Variants in CLVS1 observed in about 807,000 individuals in gnomAD.
CLVS1 encodes clavesin-1.
Under a neutral mutation model 33.1 loss-of-function variants are expected in CLVS1, and 10 were observed. The observed-to-expected ratio is 0.30, with a 90% confidence interval of 0.19 to 0.51. CLVS1 has a LOEUF of 0.51. Among genes scored for constraint, CLVS1 ranks in the 20% least tolerant of loss-of-function variants. The pLI is 0.97. For missense variants in CLVS1, 343 were observed against 433.4 expected (o/e 0.79, Z 1.85); for synonymous variants, 163 against 166.1 (o/e 0.98, Z 0.14).
intron 2 of CLVS1, among the ~76,000 whole-genome samples, chr8:61,236,144 G>A (rs760281436): frequency 1.3e-5 from 2 of 152,194 alleles, no homozygotes; most frequent in Non-Finnish European, 2.9e-5. Context: ...CATCTTGGCT[G>A]TGCTGATTTG....
chr8:61,171,995 C>A (rs572073125), intron 2 of CLVS1, among the ~76,000 whole-genome samples: 2 of 152,250 alleles, frequency 1.3e-5, no homozygotes, highest in Admixed American at 1.3e-4. Context: ...AAAAGCGAAT[C>A]CTCAGAGAAT....
At chr8:61,216,417 G>C (rs1371175129) in intron 2 of CLVS1, among the ~76,000 whole-genome samples, 2 of 152,168 alleles carry the variant, frequency 1.3e-5, no homozygotes, top group African/African-American at 2.4e-5. Context: ...CTGAAGGAAG[G>C]AGTTTAGCAG....
intron 1 of CLVS1, among the ~76,000 whole-genome samples, chr8:61,293,062 A>G (rs758315865): frequency 6.6e-6 from 1 of 152,142 alleles, no homozygotes; most frequent in Non-Finnish European, 1.5e-5. Flanking sequence ...GGAGCAAATG[A>G]TTGTGTGCTT....
intron 3 of CLVS1, among the ~76,000 whole-genome samples, chr8:61,404,249 G>A (rs1174604638): frequency 1.3e-5 from 2 of 152,180 alleles, no homozygotes; most frequent in Non-Finnish European, 2.9e-5. Context: ...TCTCAACACT[G>A]TCCAGAGTAT....
intron 3 of CLVS1, among the ~76,000 whole-genome samples, chr8:61,424,257 C>A (rs1274949438): frequency 2.0e-5 from 3 of 152,220 alleles, no homozygotes; most frequent in African/African-American, 7.2e-5. Flanking sequence ...CTTACACTTT[C>A]CATGGAGCAA....
chr8:61,021,785 G>A, the CLVS1 span, among the ~76,000 whole-genome samples: 29 of 152,118 alleles, frequency 1.9e-4, no homozygotes, highest in Non-Finnish European at 3.5e-4. Context: ...TGGGTATATC[G>A]CATGATACTG....
In CLVS1 at chr8:61,497,114, G is replaced by T. The variant is rs894515902; in HGVS notation, c.978-2341G>T. Among the ~76,000 whole-genome samples, 4 of 152,180 alleles carry T rather than the reference G, an allele frequency of 2.6e-5. No homozygotes were observed. The South Asian group carries it at 8.3e-4, about 32-fold the overall frequency. On this transcript the variant is annotated intron_variant, in intron 5 of 5. Transcript: ENST00000325897. ...CACAAACATAGTGTTTTAGTATGTT[G>T]TGTTGAGGGGGTCCTCAAGACCACC...
At chr8:61,143,213 A>G (rs1004331841) in intron 2 of CLVS1, among the ~76,000 whole-genome samples, 8 of 152,200 alleles carry the variant, frequency 5.3e-5, no homozygotes, top group African/African-American at 1.9e-4. Flanking sequence ...TTAAAAATAC[A>G]CTTGAGGCTA....
intron 3 of CLVS1, among the ~76,000 whole-genome samples, chr8:61,403,652 A>G (rs57554455): frequency 0.032 from 4,897 of 152,220 alleles, 217 homozygotes; most frequent in African/African-American, 0.11. Context: ...ACTACTTAGG[A>G]GACTGGAAAA....
intron 1 of CLVS1, among the ~76,000 whole-genome samples, chr8:61,098,096 G>T (rs572697727): frequency 6.6e-6 from 1 of 152,222 alleles, no homozygotes; most frequent in African/African-American, 2.4e-5. Context: ...GGAGTATGAG[G>T]CTGCAGTGAG....
In CLVS1 at chr8:61,146,137, TCTTA is replaced by T. The variant is rs543504401; in HGVS notation, c.-152+14281_-152+14284del. Among the ~76,000 whole-genome samples the T allele has an allele frequency of 2.6e-3, 397 of 152,252 alleles. 1 individual carries two copies. The highest frequency in any genetic ancestry group is 9.0e-3 in the African/African-American group (373 of 41,518). On this transcript the variant is annotated intron_variant, in intron 2 of 2. Coordinates refer to the CLVS1 transcript ENST00000522621. ...ATCACCATCAACATCAGTTCCAAAATCTTACTTTTCTTGCAGCATGTGGCTTCAC... is the reference window on the plus strand; with the variant it reads ...ATCACCATCAACATCAGTTCCAAAATCTTTTCTTGCAGCATGTGGCTTCAC...
At chr8:61,119,123 G>A (rs1400278277) in intron 1 of CLVS1, among the ~76,000 whole-genome samples, 2 of 152,174 alleles carry the variant, frequency 1.3e-5, no homozygotes, top group African/African-American at 4.8e-5. Context: ...TTACCATTAT[G>A]TAATGGCCTT....
At chr8:61,216,422 T>A (rs2129308550) in intron 2 of CLVS1, among the ~76,000 whole-genome samples, 1 of 152,306 alleles carries the variant, frequency 6.6e-6, no homozygotes, top group South Asian at 2.1e-4. Context: ...GGAAGGAGTT[T>A]AGCAGACCTT....
chr8:61,285,637 C>T (rs970492672), upstream of CLVS1, among the ~76,000 whole-genome samples: 3 of 152,120 alleles, frequency 2.0e-5, no homozygotes, highest in African/African-American at 4.8e-5. Flanking sequence ...CTTTAAAGGG[C>T]ACTGTTAATG....
the CLVS1 span, among the ~76,000 whole-genome samples, chr8:61,012,037 C>T: frequency 6.6e-6 from 1 of 152,222 alleles, no homozygotes; most frequent in Non-Finnish European, 1.5e-5. Flanking sequence ...CCAAGGGAGA[C>T]AGCGCTAGGG....
the CLVS1 span, among the ~76,000 whole-genome samples, chr8:60,974,091 T>C: frequency 6.6e-6 from 1 of 152,258 alleles, no homozygotes; most frequent in Admixed American, 6.5e-5. Flanking sequence ...TATGTTTTTA[T>C]TTATTTGGCA....
chr8:61,365,818 A>C (rs1384758663), intron 2 of CLVS1, among the ~76,000 whole-genome samples: 1 of 151,176 alleles, frequency 6.6e-6, no homozygotes, highest in Non-Finnish European at 1.5e-5. Context: ...TTGTGAAATC[A>C]CTCTATGTCA....
chr8:61,358,142 T>C (rs1812819544), intron 2 of CLVS1, among the ~76,000 whole-genome samples: 2 of 152,216 alleles, frequency 1.3e-5, no homozygotes, highest in Admixed American at 1.3e-4. Context: ...TTTCTTCCAA[T>C]CTGGATCTTT....
chr8:61,044,426 C>T, the CLVS1 span, among the ~76,000 whole-genome samples: 2 of 152,020 alleles, frequency 1.3e-5, no homozygotes, highest in African/African-American at 4.8e-5. Flanking sequence ...GGCCCAGCAA[C>T]AATCTGTTGT....
Sources: gnomAD v4.1 joint callset for allele counts (sites outside exome capture counted in the v4.1 genomes callset) on GRCh38, gnomAD v4.1.1 for gene constraint, MANE v1.5 for transcripts, NCBI Gene and HGNC (gene_info 2026-07-23, HGNC 2026-07-21) for gene names.